The following RIMS1 variants were observed in gnomAD, a reference collection of about 807,000 sequenced individuals.
RIMS1 encodes regulating synaptic membrane exocytosis protein 1.
RIMS1 carries 83 observed loss-of-function variants against 214.1 expected under a neutral mutation model. The ratio of observed to expected loss-of-function variants is 0.39; its 90% CI spans 0.32 to 0.47. The LOEUF (loss-of-function observed/expected upper bound fraction) is 0.47, where lower values mean the gene tolerates loss of function less well. Among genes scored for constraint, RIMS1 ranks in the 20% least tolerant of loss-of-function variants. RIMS1 has a pLI of 0.99. For synonymous variants in RIMS1, 793 were observed against 786.8 expected, an observed-to-expected ratio of 1.01 and a Z score of -0.13; for missense variants, 2,050 against 2,161.8, an observed-to-expected ratio of 0.95 and a Z score of 1.03.
chr6:72,360,221 T>A (rs576217466), intron 29 of RIMS1, among the ~76,000 whole-genome samples: 1 of 152,328 alleles, frequency 6.6e-6, no homozygotes, highest in Non-Finnish European at 1.5e-5. Context: ...AAGTAGCATC[T>A]AGCTTTTGTA....
intron 1 of RIMS1, among the ~76,000 whole-genome samples, chr6:71,920,761 C>A (rs1007810457): frequency 9.2e-5 from 14 of 152,170 alleles, no homozygotes; most frequent in Admixed American, 8.5e-4. Flanking sequence ...ATTTACACAA[C>A]AAAATGAACT....
intron 23 of RIMS1, among the ~76,000 whole-genome samples, chr6:72,280,340 T>C (rs1038487796): frequency 5.9e-5 from 9 of 152,152 alleles, no homozygotes; most frequent in African/African-American, 1.7e-4. Context: ...TTCAGTAGTA[T>C]GGTACATGAA....
chr6:72,205,185 G>T (rs1245467942), intron 6 of RIMS1, among the ~76,000 whole-genome samples: 1 of 152,044 alleles, frequency 6.6e-6, no homozygotes, highest in African/African-American at 2.4e-5. Flanking sequence ...CATTAATTTA[G>T]TGTGTATTCT....
intron 1 of RIMS1, among the ~76,000 whole-genome samples, chr6:71,900,787 AGGTCAGGAAC>A (rs1773373933): frequency 6.6e-6 from 1 of 152,148 alleles, no homozygotes; most frequent in African/African-American, 2.4e-5. Context: ...AGCAGGTTAA[AGGTCAGGAAC>A]TCAGAAGAGA....
At chr6:71,996,647 G>A (rs1043184606) in intron 2 of RIMS1, among the ~76,000 whole-genome samples, 3 of 152,198 alleles carry the variant, frequency 2.0e-5, no homozygotes, top group South Asian at 4.1e-4. Flanking sequence ...CATAGTGCCT[G>A]TGATCACGTC....
chr6:72,206,261 C>A (rs1448713642), intron 6 of RIMS1, among the ~76,000 whole-genome samples: 7 of 152,132 alleles, frequency 4.6e-5, no homozygotes, highest in Non-Finnish European at 2.9e-5. Context: ...TTAATGCAAA[C>A]CTTCACTTTT....
At chr6:72,202,795 G>T (rs2052235714) in intron 6 of RIMS1, among the ~76,000 whole-genome samples, 1 of 150,872 alleles carries the variant, frequency 6.6e-6, no homozygotes, top group Middle Eastern at 3.4e-3. Flanking sequence ...TAAGTTTTAG[G>T]CATAGCCAGA....
At chr6:71,958,282 C>A (rs1257205632) in intron 1 of RIMS1, among the ~76,000 whole-genome samples, 1 of 152,118 alleles carries the variant, frequency 6.6e-6, no homozygotes, top group Non-Finnish European at 1.5e-5. Flanking sequence ...TCATAATCAT[C>A]AGGGTTTCCC....
intron 23 of RIMS1, 52 bp downstream of exon 23, chr6:72,274,484 C>A: frequency 7.4e-7 from 1 of 1,358,008 alleles, no homozygotes; most frequent in Non-Finnish European, 1.1e-6. Flanking sequence ...GCTTATAGGC[C>A]ACCAACTGAA....
At chr6:72,294,033 C>CTA in intron 26 of RIMS1, among the ~76,000 whole-genome samples, 1 of 151,328 alleles carries the variant, frequency 6.6e-6, no homozygotes, top group Middle Eastern at 3.4e-3. Context: ...TTTTATATAT[C>CTA]TATATATATA....
At chr6:72,183,453 TTTA>T (rs969081964) in intron 6 of RIMS1, among the ~76,000 whole-genome samples, 4 of 152,270 alleles carry the variant, frequency 2.6e-5, no homozygotes, top group African/African-American at 9.6e-5. Flanking sequence ...TTAGAGTGGA[TTTA>T]TTATTCTGTG....
intron 33 of RIMS1, among the ~76,000 whole-genome samples, chr6:72,400,056 T>C (rs1057038543): frequency 1.2e-4 from 18 of 152,182 alleles, no homozygotes; most frequent in Non-Finnish European, 1.3e-4. Context: ...TTGTACATAC[T>C]TTCTGGTACA....
intron 6 of RIMS1, among the ~76,000 whole-genome samples, chr6:72,204,351 T>TG (rs2052546436): frequency 6.6e-6 from 1 of 152,216 alleles, no homozygotes; most frequent in Non-Finnish European, 1.5e-5. Context: ...TAGGTTATCA[T>TG]TATATACAGA....
chr6:71,951,397 A>G (rs971699949), intron 1 of RIMS1, among the ~76,000 whole-genome samples: 1 of 152,082 alleles, frequency 6.6e-6, no homozygotes, highest in Non-Finnish European at 1.5e-5. Context: ...ACATTCTTAC[A>G]TTCAACCAAA....
At chr6:72,073,249 C>T (rs1222748938) in intron 2 of RIMS1, among the ~76,000 whole-genome samples, 2 of 152,110 alleles carry the variant, frequency 1.3e-5, no homozygotes, top group African/African-American at 4.8e-5. Flanking sequence ...TGTGTCTTAG[C>T]TCTTGTCACT....
intron 26 of RIMS1, among the ~76,000 whole-genome samples, chr6:72,306,253 TCA>T (rs143506753): frequency 2.7e-5 from 4 of 149,592 alleles, no homozygotes; most frequent in Non-Finnish European, 4.5e-5. Flanking sequence ...ACACGCATGC[TCA>T]CACACACACA....
chr6:71,982,262 A>G (rs1562022730), intron 2 of RIMS1, among the ~76,000 whole-genome samples: 1 of 152,104 alleles, frequency 6.6e-6, no homozygotes, highest in Non-Finnish European at 1.5e-5. Context: ...CCTTGTTAGT[A>G]TGATACCTCA....
In RIMS1 at chr6:72,343,492, C is replaced by CTTTTTTTTTTTTTTTT. The variant is rs764125827; in HGVS notation, c.4366+9666_4366+9681dup. ...CTTTCTTTTCTTTCTTCTTCTTCTT[C>CTTTTTTTTTTTTTTTT]TTTTTTTTTTTTTTTTTTTTTTTTG... On this transcript the variant is annotated intron_variant, in intron 29 of 33. Transcript: ENST00000521978. Among the ~76,000 whole-genome samples, 59 of 57,268 alleles carry CTTTTTTTTTTTTTTTT rather than the reference C, an allele frequency of 1.0e-3. 1 individual carries two copies. The highest frequency in any genetic ancestry group is 1.8e-3 in the South Asian group (3 of 1,650). 37.6% of individuals were successfully genotyped at this position (57,268 alleles called of 152,430 possible).
At chr6:72,074,234 C>G (rs953869924) in intron 2 of RIMS1, among the ~76,000 whole-genome samples, 2 of 152,090 alleles carry the variant, frequency 1.3e-5, no homozygotes, top group Admixed American at 1.3e-4. Context: ...ATAAGATACC[C>G]ACAAAGCAAC....
Sources: allele counts gnomAD v4.1 joint callset (sites outside exome capture counted in the v4.1 genomes callset), GRCh38; gene constraint gnomAD v4.1.1; transcripts MANE v1.5; gene names NCBI Gene and HGNC (gene_info 2026-07-23, HGNC 2026-07-21).